Variants in LRRC4C observed in about 807,000 individuals in gnomAD.
LRRC4C encodes leucine rich repeat containing 4C, also known as leucine-rich repeat-containing protein 4C.
A neutral mutation model predicts 33.6 loss-of-function variants in LRRC4C; 5 were observed. The observed-to-expected ratio is 0.15, with a 90% CI of 0.08 to 0.31. LRRC4C has a LOEUF of 0.31. Among genes scored for constraint, LRRC4C ranks in the 10% least tolerant of loss-of-function variants. The pLI is 1.00. For missense variants in LRRC4C, 560 were observed against 796.7 expected (o/e 0.70, Z 3.58); for synonymous variants, 329 against 302.0 (o/e 1.09, Z -0.93).
At chr11:40,309,189 GC>G (rs1251491219) in intron 4 of LRRC4C, among the ~76,000 whole-genome samples, 2 of 152,096 alleles carry the variant, frequency 1.3e-5, no homozygotes, top group Non-Finnish European at 2.9e-5. Flanking sequence ...TCCTCACCCT[GC>G]CATCAGTAAA....
intron 3 of LRRC4C, among the ~76,000 whole-genome samples, chr11:40,410,122 G>A (rs1029179798): frequency 5.9e-5 from 9 of 151,818 alleles, no homozygotes; most frequent in Non-Finnish European, 1.3e-4. Context: ...TTGTTATAGA[G>A]ACATCTAGCT....
In LRRC4C at chr11:41,433,039, C is replaced by T. The variant is rs568113292; in HGVS notation, c.-496+26392G>A. Among the ~76,000 whole-genome samples, 18 of 152,188 alleles carry T rather than the reference C, an allele frequency of 1.2e-4. 1 individual carries two copies. In the South Asian group the frequency reaches 3.5e-3, roughly 30 times the overall value. ...AAGGAGGGATTCTACAGAAGGTCAC[C>T]CTGTGTCTTCTCCTCTCAATGCCTC... On this transcript the variant is annotated intron_variant, in intron 1 of 6. Coordinates refer to ENST00000528697, the MANE Select transcript of LRRC4C (RefSeq NM_001258419.2).
chr11:40,874,859 G>T (rs1007126006), intron 2 of LRRC4C, among the ~76,000 whole-genome samples: 1 of 152,116 alleles, frequency 6.6e-6, no homozygotes, highest in Non-Finnish European at 1.5e-5. Context: ...GGAAGACACC[G>T]CTGTTTTTCC....
intron 1 of LRRC4C, among the ~76,000 whole-genome samples, chr11:40,973,535 A>T (rs923777480): frequency 6.6e-6 from 1 of 152,110 alleles, no homozygotes; most frequent in African/African-American, 2.4e-5. Flanking sequence ...AAGAGAATAG[A>T]TGTGGAGAGG....
intron 1 of LRRC4C, among the ~76,000 whole-genome samples, chr11:41,014,531 T>C (rs1486053147): frequency 6.6e-6 from 1 of 151,990 alleles, no homozygotes; most frequent in East Asian, 1.9e-4. Flanking sequence ...CAGGTTTTTA[T>C]TGGATACCAT....
intron 1 of LRRC4C, among the ~76,000 whole-genome samples, chr11:41,387,845 C>CA (rs1334092183): frequency 1.3e-5 from 2 of 151,790 alleles, no homozygotes; most frequent in African/African-American, 4.8e-5. Flanking sequence ...AGTTACCAAC[C>CA]ATTCTCCTGG....
intron 3 of LRRC4C, among the ~76,000 whole-genome samples, chr11:40,360,998 C>T (rs934022247): frequency 7.9e-5 from 12 of 152,104 alleles, no homozygotes; most frequent in African/African-American, 1.9e-4. Context: ...ATAAAAATCA[C>T]GGGATTATCT....
intron 2 of LRRC4C, among the ~76,000 whole-genome samples, chr11:40,741,977 G>T (rs1369351352): frequency 6.6e-6 from 1 of 151,902 alleles, no homozygotes; most frequent in Non-Finnish European, 1.5e-5. Flanking sequence ...ATCTGCTCTT[G>T]TTACTCCTAG....
At chr11:40,539,549 G>C (rs1591044781) in intron 3 of LRRC4C, among the ~76,000 whole-genome samples, 1 of 152,004 alleles carries the variant, frequency 6.6e-6, no homozygotes, top group South Asian at 2.1e-4. Flanking sequence ...TTCTTTATGT[G>C]TGCTGAATTT....
intron 1 of LRRC4C, among the ~76,000 whole-genome samples, chr11:40,990,231 TTATATATATATATATATATATA>T (rs761772952): frequency 1.2e-3 from 92 of 78,246 alleles, no homozygotes; most frequent in African/African-American, 3.4e-3. Flanking sequence ...ATGTCAAGTT[TTATATATATATATATATATATA>T]TATATATATA....
At chr11:40,641,371 A>G (rs912138851) in intron 3 of LRRC4C, among the ~76,000 whole-genome samples, 16 of 152,158 alleles carry the variant, frequency 1.1e-4, no homozygotes, top group African/African-American at 3.6e-4. Context: ...TATAAATTTA[A>G]GTGTAAAGTA....
intron 3 of LRRC4C, among the ~76,000 whole-genome samples, chr11:40,397,222 C>T (rs2137509154): frequency 6.6e-6 from 1 of 152,126 alleles, no homozygotes; most frequent in African/African-American, 2.4e-5. Context: ...AATATTTCGT[C>T]TTCTAATCTG....
chr11:40,416,002 T>C (rs954658491), intron 3 of LRRC4C, among the ~76,000 whole-genome samples: 3 of 152,326 alleles, frequency 2.0e-5, no homozygotes, highest in African/African-American at 7.2e-5. Context: ...CTATGCAATA[T>C]AAAGATTATG....
intron 5 of LRRC4C, among the ~76,000 whole-genome samples, chr11:40,153,611 A>C (rs1005888576): frequency 6.6e-6 from 1 of 152,044 alleles, no homozygotes; most frequent in Non-Finnish European, 1.5e-5. Flanking sequence ...TAAAAAATTC[A>C]GGAATCTTTG....
chr11:40,217,102 T>C (rs571351734), intron 5 of LRRC4C, among the ~76,000 whole-genome samples: 1 of 152,316 alleles, frequency 6.6e-6, no homozygotes, highest in African/African-American at 2.4e-5. Flanking sequence ...AAATCTATTT[T>C]ATTAAGCTAC....
intron 1 of LRRC4C, among the ~76,000 whole-genome samples, chr11:41,136,713 C>A (rs567511771): frequency 3.3e-5 from 5 of 152,212 alleles, no homozygotes; most frequent in Admixed American, 1.3e-4. Flanking sequence ...ACTCGAGTTG[C>A]CTTTCTGATT....
intron 3 of LRRC4C, among the ~76,000 whole-genome samples, chr11:40,607,552 C>A (rs1249043788): frequency 6.6e-6 from 1 of 152,082 alleles, no homozygotes; most frequent in Non-Finnish European, 1.5e-5. Context: ...TGAGGGCCAT[C>A]AGAGAAGAGC....
chr11:41,235,320 C>T (rs183319946), intron 1 of LRRC4C, among the ~76,000 whole-genome samples: 185 of 151,436 alleles, frequency 1.2e-3, no homozygotes, highest in Non-Finnish European at 2.3e-3. Flanking sequence ...CACTTCTATA[C>T]TCATTTTGGT....
rs1009600476 is a variant in LRRC4C, at chr11:40,439,650, C to T, written c.-269-119929G>A. Among the ~76,000 whole-genome samples the T allele has an allele frequency of 2.0e-5, 3 of 151,896 alleles. No homozygotes were observed. The East Asian group carries it at 5.9e-4, about 30-fold the overall frequency. The stretch of plus-strand genomic sequence containing the variant: ...TGTATTTTTAGCAGAGACGGGGTTT[C>T]ACCACCTTGGCCAGGCTGGTCTTGA... On this transcript the variant is annotated intron_variant, in intron 3 of 6. Transcript: ENST00000528697.
Sources: allele counts gnomAD v4.1 joint callset (sites outside exome capture counted in the v4.1 genomes callset), GRCh38; gene constraint gnomAD v4.1.1; transcripts MANE v1.5; gene names NCBI Gene and HGNC (gene_info 2026-07-23, HGNC 2026-07-21).